Variants in SDK2 observed in about 807,000 individuals in gnomAD.
SDK2 encodes sidekick cell adhesion molecule 2, also known as protein sidekick-2.
SDK2 carries 105 observed loss-of-function variants against 253.9 expected under a neutral mutation model. The ratio of observed to expected loss-of-function variants is 0.41; its 90% confidence interval spans 0.35 to 0.49. The LOEUF (loss-of-function observed/expected upper bound fraction) is 0.49. SDK2 is among the 20% of genes least tolerant of loss of function. The probability of loss-of-function intolerance (pLI) is 0.06; values close to 1 mark genes in which losing one functional copy is unlikely to be tolerated. For synonymous variants in SDK2, 1,249 were observed against 1,234.9 expected, an observed-to-expected ratio of 1.01 and a Z score of -0.24; for missense variants, 2,608 against 3,003.0, an observed-to-expected ratio of 0.87 and a Z score of 3.07.
chr17:73,358,879 T>G (rs2062616375), intron 39 of SDK2, among the ~76,000 whole-genome samples: 1 of 152,016 alleles, frequency 6.6e-6, no homozygotes, highest in Admixed American at 6.5e-5. Flanking sequence ...GCTCCTGGAA[T>G]GAAGGTACGT....
chr17:73,452,717 C>A (rs141969557), intron 4 of SDK2, among the ~76,000 whole-genome samples: 1 of 152,320 alleles, frequency 6.6e-6, no homozygotes, highest in African/African-American at 2.4e-5. Flanking sequence ...TCATGATATT[C>A]ATTCTAATGA....
rs1311024340 is a variant in SDK2, at chr17:73,465,439, G to A, written c.331+6673C>T. Among the ~76,000 whole-genome samples the A allele has an allele frequency of 6.6e-6, 1 of 152,148 alleles. No homozygotes were observed. The highest frequency in any genetic ancestry group is 6.5e-5 in the Admixed American group (1 of 15,286). On this transcript the variant is annotated intron_variant, in intron 3 of 44. Coordinates refer to ENST00000392650, the MANE Select transcript of SDK2 (RefSeq NM_001144952.2). This position sits in a 1 kb window ranked among gnomAD's most constrained non-coding sequence, Gnocchi z 4.2. ...ACAGAGGTGCCCTCAGGACCTGGATGTGGTGAAACGCTGGCTGTGGTGAAA... is the reference window on the plus strand; with the variant it reads ...ACAGAGGTGCCCTCAGGACCTGGATATGGTGAAACGCTGGCTGTGGTGAAA...
At chr17:73,527,046 G>T (rs2064131696) in intron 1 of SDK2, among the ~76,000 whole-genome samples, 1 of 152,222 alleles carries the variant, frequency 6.6e-6, no homozygotes, top group African/African-American at 2.4e-5. Context: ...GATGACTAAC[G>T]GTGTGAGGCA....
intron 44 of SDK2, among the ~76,000 whole-genome samples, chr17:73,339,974 G>A (rs1293753918): frequency 6.6e-6 from 1 of 152,002 alleles, no homozygotes; most frequent in Non-Finnish European, 1.5e-5. Context: ...CGGTTCAAGT[G>A]ATTCTCCTGC....
At chr17:73,605,608 A>G (rs77046969) in intron 1 of SDK2, among the ~76,000 whole-genome samples, 1,748 of 151,968 alleles carry the variant, frequency 0.012, 13 homozygotes, top group Non-Finnish European at 0.02. Context: ...GCCCAGCATC[A>G]CCTCCTCCAG....
At chr17:73,472,694 T>C (rs2063661019) in intron 2 of SDK2, among the ~76,000 whole-genome samples, 1 of 152,212 alleles carries the variant, frequency 6.6e-6, no homozygotes, top group Admixed American at 6.5e-5. Context: ...TTCTTAAAAT[T>C]ACAGACAGCC....
intron 16 of SDK2, among the ~76,000 whole-genome samples, chr17:73,416,258 G>A (rs113354595): frequency 6.2e-5 from 9 of 145,780 alleles, no homozygotes; most frequent in South Asian, 2.2e-4. Flanking sequence ...GCGCAGTGGC[G>A]CAATCTCGGC....
chr17:73,560,498 C>A (rs1224842576), intron 1 of SDK2, among the ~76,000 whole-genome samples: 1 of 151,786 alleles, frequency 6.6e-6, no homozygotes, highest in East Asian at 1.9e-4. Context: ...CGCCACCATG[C>A]GCGTCTAATT....
rs546431565 is a variant in SDK2 at position 73,437,987 on chromosome 17, C to T, written c.893G>A (p.Arg298Gln). The T allele has an allele frequency of 1.9e-3, 2,878 of 1,550,802 alleles. 68 individuals are homozygous for T. In the South Asian group the frequency reaches 0.032, roughly 17 times the overall value. Reference sequence around the variant, plus strand: ...ACCCAGCACTGAGAGGTAGGCGCCCCGGACAACAGAGGGGACGCTGCTGCT... The same window carrying T: ...ACCCAGCACTGAGAGGTAGGCGCCCTGGACAACAGAGGGGACGCTGCTGCT... ...LRSSSVPSVV[R>Q]GAYLSVLEPP... The change falls in exon 7 of 45, where the codon CGG (arginine) becomes CAG (glutamine). Residue 298 changes from arginine (R) to glutamine (Q), a missense_variant. By Grantham distance (43) the Arg-to-Gln change is conservative. This residue lies in a region of SDK2 where 1,505 missense variants were observed against 1,859.1 expected (regional missense o/e 0.81). Coordinates refer to ENST00000392650, the MANE Select transcript of SDK2 (RefSeq NM_001144952.2).
At chr17:73,634,055 C>G (rs1222888881) in intron 1 of SDK2, among the ~76,000 whole-genome samples, 1 of 152,142 alleles carries the variant, frequency 6.6e-6, no homozygotes, top group Non-Finnish European at 1.5e-5. Context: ...GTTCTAAGAG[C>G]AAGGGCGTGA....
intron 1 of SDK2, among the ~76,000 whole-genome samples, chr17:73,628,659 G>T (rs1027230333): frequency 6.6e-6 from 1 of 152,232 alleles, no homozygotes; most frequent in Admixed American, 6.5e-5. Context: ...CAAGCAGCCA[G>T]TTCTGGGGTC....
intron 1 of SDK2, among the ~76,000 whole-genome samples, chr17:73,623,080 T>A (rs2046153986): frequency 6.6e-6 from 1 of 152,274 alleles, no homozygotes. Flanking sequence ...AAATGTCCCA[T>A]CTTCCTTAAA....
intron 1 of SDK2, among the ~76,000 whole-genome samples, chr17:73,542,913 A>G (rs921758577): frequency 3.3e-5 from 5 of 152,156 alleles, no homozygotes; most frequent in Admixed American, 3.3e-4. Flanking sequence ...GGACATTCAT[A>G]AGACACCCTC....
rs1599729185 is a variant in SDK2, at chr17:73,616,416, G to A, written c.64+27609C>T. Among the ~76,000 whole-genome samples the A allele has an allele frequency of 6.6e-6, 1 of 152,076 alleles. No homozygotes were observed. Among genetic ancestry groups the A allele is most frequent in the African/African-American group, 2.4e-5 (1 of 41,404 alleles). ...AACAAGAGGGAAAGAGGCAAGCAAC[G>A]GTGATTTCCTTTCACTTGGGCAGGC... On this transcript the variant is annotated intron_variant, in intron 1 of 44. Transcript: ENST00000392650. This position sits in a 1 kb window ranked among gnomAD's most constrained non-coding sequence, Gnocchi z 5.2.
At chr17:73,468,767 C>T (rs1030050093) in intron 3 of SDK2, among the ~76,000 whole-genome samples, 5 of 146,266 alleles carry the variant, frequency 3.4e-5, no homozygotes, top group African/African-American at 1.0e-4. Flanking sequence ...CCTTGTGATC[C>T]ACCCGCCTTG....
At chr17:73,543,168 T>C (rs1406583275) in intron 1 of SDK2, among the ~76,000 whole-genome samples, 3 of 152,140 alleles carry the variant, frequency 2.0e-5, no homozygotes, top group African/African-American at 7.2e-5. Context: ...TTCCATTTAC[T>C]GGGGGCACTC....
chr17:73,438,602 G>C (rs1385648653), intron 6 of SDK2, among the ~76,000 whole-genome samples: 1 of 151,668 alleles, frequency 6.6e-6, no homozygotes, highest in Non-Finnish European at 1.5e-5. Flanking sequence ...GAAACACCCA[G>C]AGTTTGAAAA....
intron 1 of SDK2, among the ~76,000 whole-genome samples, chr17:73,592,317 C>G (rs1013992514): frequency 6.6e-6 from 1 of 152,210 alleles, no homozygotes; most frequent in Non-Finnish European, 1.5e-5. Flanking sequence ...CTGCATTGCA[C>G]CTGCCAGCAG....
intron 44 of SDK2, among the ~76,000 whole-genome samples, chr17:73,340,155 G>A (rs1434938792): frequency 6.6e-6 from 1 of 152,204 alleles, no homozygotes; most frequent in Non-Finnish European, 1.5e-5. Context: ...TCAGGCGTGG[G>A]CCACCGTGCC....
Sources: gnomAD v4.1 joint callset for allele counts (sites outside exome capture counted in the v4.1 genomes callset) on GRCh38, gnomAD v4.1.1 for gene constraint, gnomAD v4.1.1 regional missense constraint, Gnocchi (gnomAD v3.1) non-coding constraint, MANE v1.5 for transcripts, NCBI Gene and HGNC (gene_info 2026-07-23, HGNC 2026-07-21) for gene names.